The following AKAP9 variants were observed in gnomAD, a reference collection of about 807,000 sequenced individuals.
AKAP9 encodes A-kinase anchoring protein 9, also known as A-kinase anchor protein 9.
AKAP9 carries 311 observed loss-of-function variants against 488.5 expected under a neutral mutation model. The observed-to-expected ratio is 0.64, with a 90% CI of 0.58 to 0.70. The LOEUF (loss-of-function observed/expected upper bound fraction) is 0.70, where lower values mean the gene tolerates loss of function less well. AKAP9 is among the 30% of genes least tolerant of loss of function. The pLI, the probability that AKAP9 is intolerant of heterozygous loss-of-function variation, is 0.00. For synonymous variants in AKAP9, 1,462 were observed against 1,483.5 expected (o/e 0.99, Z 0.33); for missense variants, 4,215 against 4,374.5 (o/e 0.96, Z 1.03).
chr7:92,063,656 CT>C (rs1393321734), intron 24 of AKAP9, among the ~76,000 whole-genome samples: 1 of 152,126 alleles, frequency 6.6e-6, no homozygotes. Flanking sequence ...AACAAATAAA[CT>C]TTTCTTACAA....
chr7:92,079,362 C>T lies in AKAP9; in HGVS notation c.7229C>T (p.Thr2410Ile). Reference sequence around the variant, plus strand: ...GTAGAAACCGCTAATGAAGAAATGACCTTCATGAAAAATGTACTTAAAGAA... The same window carrying T: ...GTAGAAACCGCTAATGAAGAAATGATCTTCATGAAAAATGTACTTAAAGAA... ...QQVETANEEM[T>I]FMKNVLKETN... is the part of the protein sequence containing the mutation. Residue 2410 changes from threonine to isoleucine, a missense_variant, in exon 31 of 50, where the codon ACC becomes ATC. Around this residue, in one of 5 missense-constraint regions of AKAP9, gnomAD observed 1,476 missense variants for 1,477.4 expected, o/e 1.00. Transcript: ENST00000356239. The T allele has an allele frequency of 6.2e-7, 1 of 1,613,968 alleles. No homozygotes were observed. The highest frequency in any genetic ancestry group is 8.5e-7 in the Non-Finnish European group (1 of 1,179,982).
At chr7:91,949,585 G>T (rs920201196) in intron 1 of AKAP9, among the ~76,000 whole-genome samples, 1 of 152,232 alleles carries the variant, frequency 6.6e-6, no homozygotes, top group Admixed American at 6.5e-5. Context: ...AGATGTCTTT[G>T]TTGTCATATT....
chr7:91,947,742 ATGGT>A (rs1314680168), intron 1 of AKAP9, among the ~76,000 whole-genome samples: 1 of 152,216 alleles, frequency 6.6e-6, no homozygotes, highest in Non-Finnish European at 1.5e-5. Flanking sequence ...AAATGAAATA[ATGGT>A]TGGGAGCTTT....
intron 3 of AKAP9, among the ~76,000 whole-genome samples, chr7:91,987,252 T>A (rs987274474): frequency 6.6e-6 from 1 of 152,022 alleles, no homozygotes; most frequent in Non-Finnish European, 1.5e-5. Flanking sequence ...ACCCCATGTC[T>A]ACTAAAAATA....
intron 8 of AKAP9, among the ~76,000 whole-genome samples, chr7:92,006,930 T>C (rs527959844): frequency 1.0e-3 from 157 of 152,286 alleles, no homozygotes; most frequent in African/African-American, 3.7e-3. Flanking sequence ...ACCACTAGAA[T>C]ATCAGCTCCT....
At position 92,014,237 on chromosome 7, in the gene AKAP9, C is replaced by G. The variant is rs754691742; in HGVS notation, c.3533-12C>G. 6.3e-7 allele frequency: 1 copy of G among 1,582,666 alleles called. No homozygotes were observed. The highest frequency in any genetic ancestry group is 1.7e-5 in the Admixed American group (1 of 59,924). ...TAAATTGAATTTCTTAATCCATTAT[C>G]TGTTCTATTAGGTGATGAAGGAAAG... On this transcript the variant is annotated splice_polypyrimidine_tract_variant and intron_variant, in intron 9 of 49. Coordinates refer to ENST00000356239, the MANE Select transcript of AKAP9 (RefSeq NM_005751.5).
intron 12 of AKAP9, among the ~76,000 whole-genome samples, chr7:92,021,777 TTTTC>T (rs1475100250): frequency 6.6e-6 from 1 of 152,206 alleles, no homozygotes; most frequent in Non-Finnish European, 1.5e-5. Context: ...CATTATTTTC[TTTTC>T]TTTTTGTTTA....
At chr7:92,057,419 C>T (rs964324678) in intron 22 of AKAP9, among the ~76,000 whole-genome samples, 2 of 151,940 alleles carry the variant, frequency 1.3e-5, no homozygotes, top group African/African-American at 2.4e-5. Context: ...GTCTAAATGC[C>T]CTTTCAAAGC....
chr7:92,017,453 A>G (rs893881403), intron 12 of AKAP9, among the ~76,000 whole-genome samples: 2 of 152,184 alleles, frequency 1.3e-5, no homozygotes, highest in African/African-American at 4.8e-5. Context: ...TGCTTAGCAT[A>G]TAGCTAATTA....
intron 1 of AKAP9, among the ~76,000 whole-genome samples, chr7:91,945,748 A>G (rs754813706): frequency 6.6e-6 from 1 of 152,220 alleles, no homozygotes; most frequent in African/African-American, 2.4e-5. Flanking sequence ...CGAGGATGGC[A>G]CTACATAGGT....
intron 21 of AKAP9, among the ~76,000 whole-genome samples, chr7:92,046,949 T>A: frequency 6.6e-6 from 1 of 152,168 alleles, no homozygotes; most frequent in East Asian, 1.9e-4. Flanking sequence ...GCAGTTCTCT[T>A]AGATACTTCT....
chr7:92,079,633 G>T lies in AKAP9; in HGVS notation c.7500G>T (p.Arg2500Ser). The stretch of plus-strand genomic sequence containing the variant: ...GTTCCATAATTAATTTGGAAACAAG[G>T]TTGCTACAACTTGAGAGCACTGTTA... ...GKGSIINLET[R>S]LLQLESTVSA... Residue 2500 changes from arginine to serine, a missense_variant, in exon 31 of 50, where the codon AGG becomes AGT. By Grantham distance (110) the Arg-to-Ser change is moderately radical. Around this residue, in one of 5 missense-constraint regions of AKAP9, gnomAD observed 1,476 missense variants for 1,477.4 expected, o/e 1.00. Coordinates refer to ENST00000356239, the MANE Select transcript of AKAP9 (RefSeq NM_005751.5). The T allele has an allele frequency of 1.2e-6, 2 of 1,613,888 alleles. No individual in the cohort carries two copies. Among genetic ancestry groups the T allele is most frequent in the African/African-American group, 1.3e-5 (1 of 74,980 alleles).
At chr7:92,056,954 A>T (rs1354088457) in intron 22 of AKAP9, among the ~76,000 whole-genome samples, 1 of 152,012 alleles carries the variant, frequency 6.6e-6, no homozygotes, top group Non-Finnish European at 1.5e-5. Flanking sequence ...TTAATATTAA[A>T]AAGTAAGTTG....
rs886039192 is a variant in AKAP9 at position 92,052,925 on chromosome 7, A to T, written c.5568A>T (p.Lys1856Asn). The change falls in exon 22 of 50, where the codon AAA becomes AAT. Residue 1856 changes from lysine (K) to asparagine (N), a missense_variant. Lys to Asn is a moderately conservative substitution (Grantham distance 94). Transcript: ENST00000356239. ...ISSRLQAAVE[K>N]LLEAISETSS... ...CTCGACTACAAGCAGCAGTTGAAAA[A>T]CTCCTAGAAGCCATAAGTGAAACTA... The T allele has an allele frequency of 3.1e-6, 5 of 1,612,920 alleles. No homozygotes were observed. The South Asian group carries it at 5.5e-5, about 18-fold the overall frequency.
chr7:92,042,903 A>G, intron 20 of AKAP9, 132 bp downstream of exon 20: 1 of 658,410 alleles, frequency 1.5e-6, no homozygotes. Flanking sequence ...CTGTGTATGA[A>G]ACATGTCCAT....
At chr7:92,014,009 AT>A (rs944391786) in intron 9 of AKAP9, among the ~76,000 whole-genome samples, 1 of 152,144 alleles carries the variant, frequency 6.6e-6, no homozygotes, top group African/African-American at 2.4e-5. Context: ...TATATGATGC[AT>A]TTTTTTGTGT....
intron 7 of AKAP9, among the ~76,000 whole-genome samples, chr7:92,000,391 C>G (rs1043581614): frequency 6.6e-6 from 1 of 152,126 alleles, no homozygotes; most frequent in Non-Finnish European, 1.5e-5. Flanking sequence ...TAGCCCTTGC[C>G]CATGACACAC....
intron 1 of AKAP9, among the ~76,000 whole-genome samples, chr7:91,951,470 G>T (rs1268414639): frequency 6.6e-6 from 1 of 151,972 alleles, no homozygotes; most frequent in Admixed American, 6.6e-5. Flanking sequence ...GGCTGCGGGG[G>T]CTCACCACCA....
At position 91,973,788 on chromosome 7, in the gene AKAP9, G is replaced by A. The variant is rs186969744; in HGVS notation, c.126G>A (p.Thr42=). The change falls in exon 2 of 50, where the codon ACG becomes ACA. Residue 42 remains threonine, a synonymous_variant. Coordinates refer to ENST00000356239, the MANE Select transcript of AKAP9 (RefSeq NM_005751.5). ...PSKKQKKKRK[T]SSSKHDVSAH... Reference sequence around the variant, plus strand: ...AGAAGCAGAAAAAAAAGAGAAAAACGTCAAGCAGTAAACATGATGTGTCAG... The same window carrying A: ...AGAAGCAGAAAAAAAAGAGAAAAACATCAAGCAGTAAACATGATGTGTCAG... 4.7e-5 allele frequency: 76 copies of A among 1,614,006 alleles called. 1 individual carries two copies. Among genetic ancestry groups the A allele is most frequent in the East Asian group, 1.8e-4 (8 of 44,852 alleles).
Sources: gnomAD v4.1 joint callset for allele counts (sites outside exome capture counted in the v4.1 genomes callset) on GRCh38, gnomAD v4.1.1 for gene constraint, gnomAD v4.1.1 regional missense constraint, MANE v1.5 for transcripts, NCBI Gene and HGNC (gene_info 2026-07-23, HGNC 2026-07-21) for gene names.